Variants in HIVEP2 observed in about 807,000 individuals in gnomAD.
HIVEP2 encodes the protein HIVEP zinc finger 2, also known as transcription factor HIVEP2.
In HIVEP2, 14 loss-of-function variants were observed where a neutral mutation model predicts 180.7. The observed-to-expected ratio is 0.08, with a 90% CI of 0.05 to 0.12. HIVEP2 has a LOEUF of 0.12. Ranked by LOEUF, HIVEP2 falls within the 10% of genes least tolerant of loss-of-function variation. The pLI is 1.00. For synonymous variants in HIVEP2, 1,184 were observed against 1,136.4 expected (o/e 1.04, Z -0.84); for missense variants, 2,579 against 3,008.5 (o/e 0.86, Z 3.34).
At chr6:142,777,000 C>T (rs771944552) in intron 3 of HIVEP2, among the ~76,000 whole-genome samples, 1 of 152,158 alleles carries the variant, frequency 6.6e-6, no homozygotes, top group African/African-American at 2.4e-5. Flanking sequence ...TAAGTGAATA[C>T]TCAACTTCCT....
intron 2 of HIVEP2, among the ~76,000 whole-genome samples, chr6:142,807,981 A>G (rs570924658): frequency 6.5e-4 from 99 of 152,128 alleles, no homozygotes; most frequent in Non-Finnish European, 1.2e-3. Context: ...CTCCTGCTCA[A>G]AGCCTTTCAG....
At chr6:142,913,399 C>G (rs1777466981) in intron 1 of HIVEP2, among the ~76,000 whole-genome samples, 1 of 152,202 alleles carries the variant, frequency 6.6e-6, no homozygotes, top group Non-Finnish European at 1.5e-5. Context: ...TGGATCAGGG[C>G]ACACTGGCTG....
rs545098830 is a variant in HIVEP2 at position 142,888,316 on chromosome 6, G to A, written c.-640-51269C>T. On this transcript the variant is annotated intron_variant, in intron 1 of 9. Coordinates refer to ENST00000367603, the MANE Select transcript of HIVEP2 (RefSeq NM_006734.4). ...CCACAGGTGCATGCCATGTAAAGAT[G>A]GGGTCTCACCACATTGCCAGGGCTG... Among the ~76,000 whole-genome samples, 25 of 152,154 alleles carry A rather than the reference G, an allele frequency of 1.6e-4. 1 individual carries two copies. The South Asian group carries it at 5.0e-3, about 30-fold the overall frequency.
At chr6:142,897,398 G>A (rs558786214) in intron 1 of HIVEP2, among the ~76,000 whole-genome samples, 9 of 152,322 alleles carry the variant, frequency 5.9e-5, no homozygotes, top group African/African-American at 2.2e-4. Flanking sequence ...TGCATCTGCA[G>A]AGATGTACCA....
intron 1 of HIVEP2, among the ~76,000 whole-genome samples, chr6:142,931,119 TATTC>T (rs1250229568): frequency 6.6e-6 from 1 of 152,142 alleles, no homozygotes; most frequent in East Asian, 1.9e-4. Flanking sequence ...CCTTCTTTAC[TATTC>T]ATTATGTGGA....
chr6:142,823,758 G>A (rs1582891479), intron 2 of HIVEP2, among the ~76,000 whole-genome samples: 1 of 152,318 alleles, frequency 6.6e-6, no homozygotes, highest in South Asian at 2.1e-4. Flanking sequence ...TATGAAGCAT[G>A]ATGCCAATTC....
At chr6:142,902,827 G>A (rs1011476919) in intron 1 of HIVEP2, among the ~76,000 whole-genome samples, 3 of 152,298 alleles carry the variant, frequency 2.0e-5, no homozygotes, top group African/African-American at 7.2e-5. Flanking sequence ...TACTGCTTGT[G>A]GACAGGCATT....
intron 1 of HIVEP2, among the ~76,000 whole-genome samples, chr6:142,922,899 A>G (rs2128435125): frequency 6.6e-6 from 1 of 152,362 alleles, no homozygotes; most frequent in African/African-American, 2.4e-5. Context: ...TTATATGAAC[A>G]TGTATTCATG....
At chr6:142,848,040 T>C (rs759911824) in intron 1 of HIVEP2, among the ~76,000 whole-genome samples, 2 of 152,252 alleles carry the variant, frequency 1.3e-5, no homozygotes, top group African/African-American at 2.4e-5. Context: ...AGACTTCTTA[T>C]ATTTAACATT....
In HIVEP2 at chr6:142,847,666, T is replaced by C. The variant is rs1314668262; in HGVS notation, c.-640-10619A>G. On this transcript the variant is annotated intron_variant, in intron 1 of 9. Coordinates refer to ENST00000367603, the MANE Select transcript of HIVEP2 (RefSeq NM_006734.4). The stretch of plus-strand genomic sequence containing the variant: ...AAAATTAAACAACTGCTAACTGATA[T>C]AGGAAGAACTTCAGCTATTTCTGTA... 7.2e-5 allele frequency among the ~76,000 whole-genome samples: 11 copies of C among 152,314 alleles called. No homozygotes were observed. In the South Asian group the frequency reaches 2.1e-3, roughly 29 times the overall value.
intron 1 of HIVEP2, among the ~76,000 whole-genome samples, chr6:142,895,845 AT>A (rs1193062674): frequency 6.6e-6 from 1 of 152,182 alleles, no homozygotes; most frequent in Non-Finnish European, 1.5e-5. Context: ...AACCTGTTTC[AT>A]TTGAGTTTAC....
intron 3 of HIVEP2, among the ~76,000 whole-genome samples, chr6:142,781,285 A>G (rs1775854062): frequency 6.6e-6 from 1 of 152,222 alleles, no homozygotes. Context: ...TTCTCATATG[A>G]AAACAGCGAG....
At chr6:142,879,512 A>G (rs1176924433) in intron 1 of HIVEP2, among the ~76,000 whole-genome samples, 1 of 152,016 alleles carries the variant, frequency 6.6e-6, no homozygotes, top group Non-Finnish European at 1.5e-5. Flanking sequence ...ATTCAACCCC[A>G]TTATCCTCTT....
At chr6:142,836,252 T>C (rs1775219628) in intron 2 of HIVEP2, among the ~76,000 whole-genome samples, 1 of 152,184 alleles carries the variant, frequency 6.6e-6, no homozygotes, top group African/African-American at 2.4e-5. Flanking sequence ...ATCATATAAA[T>C]TTCTGATGCC....
rs983495654 is a variant in HIVEP2 at position 142,776,143 on chromosome 6, T to A, written c.-388+4A>T. On this transcript the variant is annotated splice_donor_region_variant and intron_variant, in intron 4 of 9. Transcript: ENST00000367603. ...CTAGGACAGTTTAAAAACGAAATGA[T>A]TACCTGAACAGTTTAGAGTTCTTAT... is the stretch of plus-strand genomic sequence containing the variant. 31 of 152,568 alleles carry A rather than the reference T, an allele frequency of 2.0e-4. No individual in the cohort carries two copies. Among genetic ancestry groups the A allele is most frequent in the African/African-American group, 6.8e-4 (28 of 41,432 alleles). The allele number at this position is 152,568 out of a possible 1,614,324, so 9.5% of individuals were successfully genotyped here.
chr6:142,792,857 T>C (rs1360559144), intron 2 of HIVEP2, among the ~76,000 whole-genome samples: 12 of 152,110 alleles, frequency 7.9e-5, no homozygotes, highest in Admixed American at 7.9e-4. Flanking sequence ...TTTTCTGTTT[T>C]AGAATGGAGG....
chr6:142,925,124 T>G (rs1777773853), intron 1 of HIVEP2, among the ~76,000 whole-genome samples: 1 of 152,198 alleles, frequency 6.6e-6, no homozygotes, highest in Non-Finnish European at 1.5e-5. Context: ...TAACATGCAC[T>G]TTAGAAGTTC....
intron 1 of HIVEP2, among the ~76,000 whole-genome samples, chr6:142,878,898 C>T (rs1776512813): frequency 6.6e-6 from 1 of 152,090 alleles, no homozygotes; most frequent in Admixed American, 6.5e-5. Context: ...GGGCAAAGGA[C>T]CTTGGACTTG....
Position 142,771,199 on chromosome 6 carries a change from G to A in HIVEP2, c.3540C>T (p.Ser1180=). The change falls in exon 5 of 10, where the codon AGC becomes AGT. Residue 1180 remains serine (S), a synonymous_variant. Transcript: ENST00000367603. The surrounding 1 kb of genome is among the most constrained non-coding windows in gnomAD (Gnocchi z 5.4). ...AGTGTGGCTGTTCAGGTAAGTGCTT[G>A]CTTGTCATATAGGATGTTGGTTGGA... ...PLIQPTSYMT[S]KHLPEQPHLF... is the part of the protein sequence containing the mutation. The A allele has an allele frequency of 1.2e-6, 2 of 1,614,214 alleles. No homozygotes were observed. The highest frequency in any genetic ancestry group is 2.2e-5 in the South Asian group (2 of 91,088).
Sources: allele counts gnomAD v4.1 joint callset (sites outside exome capture counted in the v4.1 genomes callset), GRCh38; gene constraint gnomAD v4.1.1; non-coding constraint Gnocchi (gnomAD v3.1); transcripts MANE v1.5; gene names NCBI Gene and HGNC (gene_info 2026-07-23, HGNC 2026-07-21).